The following FER1L6 variants were observed in gnomAD, a reference collection of about 807,000 sequenced individuals.
FER1L6 encodes the protein fer-1 like family member 6, also known as fer-1-like protein 6.
A neutral mutation model predicts 219.2 loss-of-function variants in FER1L6; 177 were observed. The ratio of observed to expected loss-of-function variants is 0.81; its 90% CI spans 0.71 to 0.91. The LOEUF is 0.91. Among genes scored for constraint, FER1L6 ranks in the 40% least tolerant of loss-of-function variants. FER1L6 has a pLI of 0.00. For missense variants in FER1L6, 2,153 were observed against 2,259.9 expected, an observed-to-expected ratio of 0.95 and a Z score of 0.96; for synonymous variants, 768 against 824.3, an observed-to-expected ratio of 0.93 and a Z score of 1.17.
chr8:123,862,415 A>C (rs1361232402), intron 1 of FER1L6, among the ~76,000 whole-genome samples: 1 of 139,202 alleles, frequency 7.2e-6, no homozygotes, highest in Non-Finnish European at 1.5e-5. Context: ...ATCAATGTTC[A>C]TCAAGGATAT....
intron 1 of FER1L6, among the ~76,000 whole-genome samples, chr8:123,870,401 T>C (rs949600273): frequency 2.6e-5 from 4 of 152,316 alleles, no homozygotes; most frequent in Admixed American, 6.5e-5. Context: ...ACAACCAATA[T>C]GTCTTTCAAT....
intron 1 of FER1L6, among the ~76,000 whole-genome samples, chr8:123,938,470 A>G (rs2129974824): frequency 6.6e-6 from 1 of 152,200 alleles, no homozygotes; most frequent in South Asian, 2.1e-4. Flanking sequence ...CACAATAATA[A>G]GTCCAGTGCT....
At chr8:124,059,459 CCTT>C (rs1293700160) in intron 22 of FER1L6, among the ~76,000 whole-genome samples, 1 of 152,128 alleles carries the variant, frequency 6.6e-6, no homozygotes, top group Non-Finnish European at 1.5e-5. Flanking sequence ...TTTGGGGAAA[CCTT>C]CTTGAAAGAT....
chr8:124,020,125 TA>T (rs1314749187), intron 16 of FER1L6, among the ~76,000 whole-genome samples: 1 of 152,184 alleles, frequency 6.6e-6, no homozygotes, highest in Admixed American at 6.5e-5. Flanking sequence ...TGATGGTTTA[TA>T]AAGGGTAGTT....
intron 1 of FER1L6, among the ~76,000 whole-genome samples, chr8:123,932,066 T>C (rs1345825961): frequency 6.6e-6 from 1 of 152,162 alleles, no homozygotes; most frequent in East Asian, 1.9e-4. Context: ...AGAGCTGCAG[T>C]TTATTTAACA....
rs189586200 is a variant in FER1L6, at chr8:124,102,051, T to C, written c.5125+713T>C. On this transcript the variant is annotated intron_variant, in intron 38 of 40. Coordinates refer to ENST00000522917, the MANE Select transcript of FER1L6 (RefSeq NM_001039112.2). ...AAGGGGTTGTGAAGACCAAGGTTTT[T>C]TCATGCATATGAAGCCTCAACGTAA... Among the ~76,000 whole-genome samples the C allele has an allele frequency of 8.5e-5, 13 of 152,310 alleles. No individual in the cohort carries two copies. In the East Asian group the frequency reaches 2.5e-3, roughly 29 times the overall value.
rs778598708 is a variant in FER1L6 at position 123,963,429 on chromosome 8, A to AT, written c.197+34dup. The AT allele has an allele frequency of 4.3e-6, 7 of 1,612,214 alleles. No homozygotes were observed. In the African/African-American group the frequency reaches 9.3e-5, roughly 22 times the overall value. On this transcript the variant is annotated intron_variant, in intron 3 of 40. Coordinates refer to ENST00000522917, the MANE Select transcript of FER1L6 (RefSeq NM_001039112.2). The stretch of plus-strand genomic sequence containing the variant: ...GTATGGATGCAGGTGGTCAACACAC[A>AT]TTTGCTGAGCATCTCTTATGTGCCA...
At chr8:124,113,013 T>C (rs563541285) in intron 39 of FER1L6, among the ~76,000 whole-genome samples, 53 of 152,320 alleles carry the variant, frequency 3.5e-4, no homozygotes, top group African/African-American at 1.2e-3. Context: ...ATGCATAAAT[T>C]TTAGTTCCCT....
chr8:124,068,805 G>A (rs1379900738), intron 28 of FER1L6, among the ~76,000 whole-genome samples: 1 of 152,118 alleles, frequency 6.6e-6, no homozygotes, highest in Non-Finnish European at 1.5e-5. Context: ...CAGCCCTAGG[G>A]GATCCACTGA....
At chr8:124,097,654 T>A (rs1307897844) in intron 36 of FER1L6, 131 bp from the exon 37 acceptor site, 2 of 635,374 alleles carry the variant, frequency 3.1e-6, no homozygotes, top group Non-Finnish European at 5.6e-6. Context: ...ACCAAGCCCC[T>A]AAGTGTTGAT....
rs79353470 is a variant in FER1L6, at chr8:123,853,690, G to A, written c.-8+1505G>A. Among the ~76,000 whole-genome samples the A allele has an allele frequency of 0.012, 1,808 of 152,320 alleles. 45 individuals are homozygous for A. The highest frequency in any genetic ancestry group is 0.041 in the African/African-American group (1,712 of 41,564). The stretch of plus-strand genomic sequence containing the variant: ...TTGAGAGAACCTATCCAAGTTGCAC[G>A]TATGCAGGTGACATGCTCATGGCTA... On this transcript the variant is annotated intron_variant, in intron 1 of 40. Coordinates refer to ENST00000522917, the MANE Select transcript of FER1L6 (RefSeq NM_001039112.2). This position sits in a 1 kb window ranked among gnomAD's most constrained non-coding sequence, Gnocchi z 6.6.
chr8:124,015,607 A>ATATGTATGTATGTATG (rs1554632086), intron 15 of FER1L6, among the ~76,000 whole-genome samples: 1 of 88,606 alleles, frequency 1.1e-5, no homozygotes, highest in African/African-American at 4.3e-5. Context: ...ATATATATAT[A>ATATGTATGTATGTATG]TATATATATT....
chr8:123,950,057 A>G (rs1455433647), intron 1 of FER1L6, among the ~76,000 whole-genome samples: 2 of 152,182 alleles, frequency 1.3e-5, no homozygotes, highest in East Asian at 1.9e-4. Context: ...CAGGGCTTTA[A>G]TTAGCCTGGA....
rs1347743548 is a variant in FER1L6 at position 124,118,799 on chromosome 8, T to C, written c.5290-45T>C. On this transcript the variant is annotated intron_variant, in intron 39 of 40. Coordinates refer to ENST00000522917, the MANE Select transcript of FER1L6 (RefSeq NM_001039112.2). ...TTCTAGAAGGTTGCCATTGGCTCAG[T>C]GGGTCTTTGTGACTGGAAACAAAAG... is the stretch of plus-strand genomic sequence containing the variant. 3.8e-6 allele frequency: 6 copies of C among 1,563,670 alleles called. No individual in the cohort carries two copies. In the Admixed American group the frequency reaches 6.8e-5, roughly 18 times the overall value.
chr8:124,119,177 A>T (rs1823376990), intron 40 of FER1L6, among the ~76,000 whole-genome samples: 1 of 152,226 alleles, frequency 6.6e-6, no homozygotes, highest in Non-Finnish European at 1.5e-5. Context: ...GGGGAAAATA[A>T]CACATTCATA....
At chr8:124,116,405 G>A (rs946653329) in intron 39 of FER1L6, among the ~76,000 whole-genome samples, 2 of 151,756 alleles carry the variant, frequency 1.3e-5, no homozygotes, top group African/African-American at 4.8e-5. Flanking sequence ...AAAAGGGCAT[G>A]CATGAAACAC....
chr8:124,088,132 A>T (rs1821860545), intron 33 of FER1L6, among the ~76,000 whole-genome samples: 2 of 152,104 alleles, frequency 1.3e-5, no homozygotes, highest in Non-Finnish European at 2.9e-5. Context: ...CCTTCCCCCC[A>T]GGCCTCTAGC....
In FER1L6 at chr8:124,062,017, A is replaced by C. The variant is rs764350360; in HGVS notation, c.3313A>C (p.Thr1105Pro). The C allele has an allele frequency of 6.2e-7, 1 of 1,614,110 alleles. No individual in the cohort carries two copies. Among genetic ancestry groups the C allele is most frequent in the East Asian group, 2.2e-5 (1 of 44,882 alleles). ...TGCCCCCATCACACAGGTGGATGGAACCCAGCCTGGGCACGGTGAGAAGCT... is the reference window on the plus strand; with the variant it reads ...TGCCCCCATCACACAGGTGGATGGACCCCAGCCTGGGCACGGTGAGAAGCT... ...PLAPITQVDG[T>P]QPGHDISDSL... is the part of the protein sequence containing the mutation. The change falls in exon 25 of 41, where the codon ACC becomes CCC. Residue 1105 changes from threonine to proline, a missense_variant. Thr to Pro is a conservative substitution (Grantham distance 38). Transcript: ENST00000522917.
chr8:123,907,551 C>T (rs1812975771), intron 1 of FER1L6, among the ~76,000 whole-genome samples: 2 of 151,694 alleles, frequency 1.3e-5, no homozygotes, highest in Non-Finnish European at 2.9e-5. Flanking sequence ...CTTTAGTTGG[C>T]ATTGGTGACA....
Sources: allele counts gnomAD v4.1 joint callset (sites outside exome capture counted in the v4.1 genomes callset), GRCh38; gene constraint gnomAD v4.1.1; non-coding constraint Gnocchi (gnomAD v3.1); transcripts MANE v1.5; gene names NCBI Gene and HGNC (gene_info 2026-07-23, HGNC 2026-07-21).